The following ETHE1 variants were observed in gnomAD, a reference collection of about 807,000 sequenced individuals.
ETHE1 encodes ETHE1 persulfide dioxygenase.
Under a neutral mutation model 25.7 loss-of-function variants are expected in ETHE1, and 16 were observed. That is an observed-to-expected ratio of 0.62 (90% CI 0.42 to 0.95). The LOEUF is 0.95. Ranked by LOEUF, ETHE1 falls within the 40% of genes least tolerant of loss-of-function variation. The pLI, the probability that ETHE1 is intolerant of heterozygous loss-of-function variation, is 0.00. For synonymous variants in ETHE1, 139 were observed against 135.9 expected (o/e 1.02, Z -0.16); for missense variants, 300 against 333.6 (o/e 0.90, Z 0.79).
chr19:43,514,918 A>T (rs1428685956), intron 3 of ETHE1, among the ~76,000 whole-genome samples: 1 of 152,190 alleles, frequency 6.6e-6, no homozygotes. Context: ...CCATAAACAA[A>T]ATCTAAAGAG....
At position 43,526,995 on chromosome 19, in the gene ETHE1, G is replaced by A. The variant is rs947744572; in HGVS notation, c.81+102C>T. 23 of 1,534,692 alleles carry A rather than the reference G, an allele frequency of 1.5e-5. No homozygotes were observed. In the African/African-American group the frequency reaches 2.7e-4, roughly 18 times the overall value. ...CCACCCCGCTTTCCGCAAGATGCAGGCGTGGGTCCCCCCGGATCTCTCCCT... is the reference window on the plus strand; with the variant it reads ...CCACCCCGCTTTCCGCAAGATGCAGACGTGGGTCCCCCCGGATCTCTCCCT... On this transcript the variant is annotated intron_variant, in intron 1 of 6. Coordinates refer to ENST00000292147, the MANE Select transcript of ETHE1 (RefSeq NM_014297.5).
intron 3 of ETHE1, among the ~76,000 whole-genome samples, chr19:43,520,144 T>C (rs1423619060): frequency 6.7e-6 from 1 of 149,870 alleles, no homozygotes; most frequent in Non-Finnish European, 1.5e-5. Context: ...AGGTCAGGAG[T>C]TCGAGACCAG....
intron 5 of ETHE1, 113 bp downstream of exon 5, chr19:43,508,662 T>G: frequency 1.1e-6 from 1 of 915,050 alleles, no homozygotes; most frequent in South Asian, 1.4e-5. Context: ...TAATTTTTTT[T>G]GGCCAGAGAA....
Position 43,506,738 on chromosome 19 carries a change from AT to A in ETHE1, c.*111del, listed in dbSNP as rs1971776047. 3.7e-6 allele frequency: 4 copies of A among 1,080,060 alleles called. No individual in the cohort carries two copies. Among genetic ancestry groups the A allele is most frequent in the Non-Finnish European group, 4.3e-6 (3 of 705,546 alleles). The allele number at this position is 1,080,060 out of a possible 1,614,324, so 66.9% of individuals were successfully genotyped here. A position where few individuals can be genotyped will look rare whatever the true frequency, so the allele number is the denominator to read the frequency against. ...TCAGACTCACGTTAAAAAAAGTTTT[AT>A]TTAGGGAGCTCCAGGGAATGCGGTG... On this transcript the variant is annotated 3_prime_UTR_variant, in exon 7 of 7. Coordinates refer to ENST00000292147, the MANE Select transcript of ETHE1 (RefSeq NM_014297.5).
At chr19:43,522,874 A>T (rs1192362702) in intron 3 of ETHE1, among the ~76,000 whole-genome samples, 1 of 152,228 alleles carries the variant, frequency 6.6e-6, no homozygotes, top group African/African-American at 2.4e-5. Context: ...ACAATAAGAG[A>T]GCTGAGTAGC....
At chr19:43,518,512 C>G (rs971056287) in intron 3 of ETHE1, among the ~76,000 whole-genome samples, 2 of 151,526 alleles carry the variant, frequency 1.3e-5, no homozygotes, top group African/African-American at 4.8e-5. Flanking sequence ...TTTGGGAGGC[C>G]GAGACGGGCG....
intron 4 of ETHE1, among the ~76,000 whole-genome samples, chr19:43,510,850 G>C (rs942583220): frequency 7.9e-5 from 12 of 152,038 alleles, no homozygotes; most frequent in East Asian, 1.9e-4. Context: ...TGTGCAGAAG[G>C]TGGTGAGCGG....
At position 43,527,117 on chromosome 19, in the gene ETHE1, C is replaced by A. The variant is rs116440799; in HGVS notation, c.61G>T (p.Ala21Ser). The change falls in exon 1 of 7, where the codon GCC becomes TCC. Residue 21 changes from alanine to serine, a missense_variant. Physicochemically the swap from Ala to Ser is moderately conservative, Grantham distance 99 (BLOSUM62 1). Coordinates refer to ENST00000292147, the MANE Select transcript of ETHE1 (RefSeq NM_014297.5). Reference sequence around the variant, plus strand: ...CGCACCTGCCGCAGGAGGATGGGGGCTCCAGACCCGCCGCGCTGGCTCAGC... The same window carrying A: ...CGCACCTGCCGCAGGAGGATGGGGGATCCAGACCCGCCGCGCTGGCTCAGC... The part of the protein sequence containing the change: ...RQLSQRGGSG[A>S]PILLRQMFEP... 3.9e-3 allele frequency: 6,088 copies of A among 1,556,920 alleles called. 149 individuals carry two copies. The African/African-American group carries it at 0.063, about 16-fold the overall frequency.
intron 3 of ETHE1, among the ~76,000 whole-genome samples, chr19:43,524,876 T>C (rs1420076639): frequency 6.6e-6 from 1 of 151,796 alleles, no homozygotes; most frequent in African/African-American, 2.4e-5. Context: ...CCCAGCACTT[T>C]CAGAAGCCCT....
In ETHE1 at chr19:43,526,190, A is replaced by G; in HGVS notation, c.375+11T>C. 1 of 1,613,906 alleles carries G rather than the reference A, an allele frequency of 6.2e-7. No homozygotes were observed. Among genetic ancestry groups the G allele is most frequent in the Non-Finnish European group, 8.5e-7 (1 of 1,179,948 alleles). Reference sequence around the variant, plus strand: ...GCCACCACCCTCTTGGGGACCCAGCACCCAACTCACGAAGCGCCCGAAGCG... The same window carrying G: ...GCCACCACCCTCTTGGGGACCCAGCGCCCAACTCACGAAGCGCCCGAAGCG... On this transcript the variant is annotated intron_variant, in intron 3 of 6. Transcript: ENST00000292147.
At chr19:43,520,118 G>A (rs184945638) in intron 3 of ETHE1, among the ~76,000 whole-genome samples, 4 of 151,732 alleles carry the variant, frequency 2.6e-5, no homozygotes, top group African/African-American at 7.3e-5. Flanking sequence ...GGAGGTCAAG[G>A]CAGGTGGATC....
chr19:43,526,038 T>C (rs1222898894), intron 3 of ETHE1, 163 bp downstream of exon 3: 1 of 1,055,978 alleles, frequency 9.5e-7, no homozygotes, highest in South Asian at 1.4e-5. Context: ...CCACCTGGGT[T>C]TATGGTGCCC....
rs759810296 is a variant in ETHE1 at position 43,526,219 on chromosome 19, G to A, written c.357C>T (p.Ser119=). The A allele has an allele frequency of 1.5e-5, 25 of 1,614,010 alleles. No homozygotes were observed. The East Asian group carries it at 1.6e-4, about 10-fold the overall frequency. ...AACTCACGAAGCGCCCGAAGCGGAT[G>A]GAGTCTCCATCCTCAATGTGTAAGT... ...QADLHIEDGD[S]IRFGRFALET... Residue 119 remains serine, a synonymous_variant, in exon 3 of 7, where the codon TCC becomes TCT. Transcript: ENST00000292147.
chr19:43,508,733 C>G (rs776718741), intron 5 of ETHE1, 42 bp downstream of exon 5: 1 of 1,467,546 alleles, frequency 6.8e-7, no homozygotes, highest in Non-Finnish European at 9.4e-7. Flanking sequence ...ACTCCACTTT[C>G]AAAGTTATGT....
chr19:43,508,025 G>T lies in ETHE1; in HGVS notation c.631C>A (p.Leu211Met). Residue 211 changes from leucine to methionine, a missense_variant, in exon 6 of 7, where the codon CTG becomes ATG. Transcript: ENST00000292147. ...CAGCTGAGGGTGAGCCGAGGGTTCAGAGTCCTCTCCTCCTCCACGGTGGAC... is the reference window on the plus strand; with the variant it reads ...CAGCTGAGGGTGAGCCGAGGGTTCATAGTCCTCTCCTCCTCCACGGTGGAC... Reference protein sequence around the residue: ...TVSTVEEERTLNPRLTLSCEE... With the variant: ...TVSTVEEERTMNPRLTLSCEE... 1 of 1,614,154 alleles carries T rather than the reference G, an allele frequency of 6.2e-7. No homozygotes were observed. Among genetic ancestry groups the T allele is most frequent in the Non-Finnish European group, 8.5e-7 (1 of 1,180,040 alleles).
At chr19:43,507,917 C>CAG in intron 6 of ETHE1, 27 bp downstream of exon 6, 2 of 1,610,694 alleles carry the variant, frequency 1.2e-6, no homozygotes, top group Non-Finnish European at 1.7e-6. Flanking sequence ...CTCTCAGACC[C>CAG]AGAAGTCCAG....
At chr19:43,507,299 C>T (rs1469974316) in intron 6 of ETHE1, among the ~76,000 whole-genome samples, 1 of 144,702 alleles carries the variant, frequency 6.9e-6, no homozygotes. Context: ...TCCCTCAGAC[C>T]CAGGAGTCCA....
chr19:43,510,475 CAG>C (rs1276106694), intron 4 of ETHE1, among the ~76,000 whole-genome samples: 1 of 151,714 alleles, frequency 6.6e-6, no homozygotes, highest in Non-Finnish European at 1.5e-5. Context: ...GCTGGGACTA[CAG>C]GCACCCACCA....
At position 43,523,843 on chromosome 19, in the gene ETHE1, G is replaced by C. The variant is rs57736918; in HGVS notation, c.375+2358C>G. On this transcript the variant is annotated intron_variant, in intron 3 of 6. Transcript: ENST00000292147. ...CCCAGCTATTTGGGAGGCTGAGACA[G>C]CAGAATCGCTTGCGCTCAGGAGGCA... Among the ~76,000 whole-genome samples the C allele has an allele frequency of 1.7e-4, 26 of 152,100 alleles. No individual in the cohort carries two copies. In the East Asian group the frequency reaches 5.1e-3, roughly 30 times the overall value.
Sources: gnomAD v4.1 joint callset for allele counts (sites outside exome capture counted in the v4.1 genomes callset) on GRCh38, gnomAD v4.1.1 for gene constraint, MANE v1.5 for transcripts, NCBI Gene and HGNC (gene_info 2026-07-23, HGNC 2026-07-21) for gene names.